GSG1L2: variants seen among roughly 807,000 people sequenced by gnomAD.
GSG1L2 encodes the protein germ cell-specific gene 1-like protein 2.
In GSG1L2, 15 loss-of-function variants were observed where a neutral mutation model predicts 9.0. The observed-to-expected ratio is 1.67, with a 90% CI of 1.12 to 2.57. The LOEUF is 2.57. Among genes scored for constraint, GSG1L2 ranks in the 30% most tolerant of loss-of-function variants. The pLI, the probability that GSG1L2 is intolerant of heterozygous loss-of-function variation, is 0.00. For missense variants in GSG1L2, 286 were observed against 150.3 expected (o/e 1.90, Z -4.72); for synonymous variants, 127 against 57.9 (o/e 2.19, Z -5.41).
At chr17:9,812,439 C>T (rs371490690) in intron 1 of GSG1L2, among the ~76,000 whole-genome samples, 1 of 152,224 alleles carries the variant, frequency 6.6e-6, no homozygotes. Context: ...GCCTCCCCAG[C>T]ACCACCCAGC....
intron 1 of GSG1L2, among the ~76,000 whole-genome samples, chr17:9,817,547 C>A (rs781369511): frequency 2.6e-5 from 4 of 151,900 alleles, no homozygotes; most frequent in Non-Finnish European, 4.4e-5. Flanking sequence ...GCCTCAGCCT[C>A]CTGAGTAGCT....
At chr17:9,817,781 AG>A (rs2066573519) in intron 1 of GSG1L2, among the ~76,000 whole-genome samples, 1 of 152,060 alleles carries the variant, frequency 6.6e-6, no homozygotes, top group African/African-American at 2.4e-5. Context: ...CTTGGGTGAC[AG>A]AGACCTTATG....
chr17:9,807,198 G>C (rs1376021077), intron 4 of GSG1L2, among the ~76,000 whole-genome samples: 1 of 152,040 alleles, frequency 6.6e-6, no homozygotes, highest in African/African-American at 2.4e-5. Context: ...CTCCCACACT[G>C]TATTTAAGAA....
chr17:9,807,237 G>C, intron 4 of GSG1L2, among the ~76,000 whole-genome samples: 1 of 152,176 alleles, frequency 6.6e-6, no homozygotes, highest in East Asian at 1.9e-4. Flanking sequence ...TCAATTTCTC[G>C]GGGACTTTAC....
At chr17:9,818,172 G>T (rs1214816908) in intron 1 of GSG1L2, among the ~76,000 whole-genome samples, 1 of 152,172 alleles carries the variant, frequency 6.6e-6, no homozygotes, top group Non-Finnish European at 1.5e-5. Flanking sequence ...TGGCTGTTCG[G>T]GAAGCATAGC....
intron 1 of GSG1L2, among the ~76,000 whole-genome samples, chr17:9,814,515 A>C (rs2066551925): frequency 6.6e-6 from 1 of 152,156 alleles, no homozygotes; most frequent in Non-Finnish European, 1.5e-5. Flanking sequence ...GAGAAGGTGG[A>C]GGCCAGCCAA....
intron 1 of GSG1L2, among the ~76,000 whole-genome samples, chr17:9,812,830 T>G (rs1010677294): frequency 2.0e-5 from 3 of 152,122 alleles, no homozygotes; most frequent in Admixed American, 6.5e-5. Context: ...CTATAACTCC[T>G]GGGCTCAAGC....
At chr17:9,816,797 G>A (rs553162136) in intron 1 of GSG1L2, among the ~76,000 whole-genome samples, 3 of 150,102 alleles carry the variant, frequency 2.0e-5, no homozygotes, top group African/African-American at 7.4e-5. Flanking sequence ...GTGCGTATCT[G>A]TGTATGTGTG....
At chr17:9,809,216 G>C (rs2066528837) in intron 2 of GSG1L2, 1 of 502,326 alleles carries the variant, frequency 2.0e-6, no homozygotes, top group Non-Finnish European at 3.6e-6. Context: ...GGTGGGGGCG[G>C]GGAAACTAAG....
rs1391112636 is a variant in GSG1L2, at chr17:9,820,283, C to T, written c.310+1479G>A. Reference sequence around the variant, plus strand: ...AAACAGAAGTACTATAGGCAGTCCTCATATGAGAACTTGGAAAGGAGATGG... The same window carrying T: ...AAACAGAAGTACTATAGGCAGTCCTTATATGAGAACTTGGAAAGGAGATGG... On this transcript the variant is annotated intron_variant, in intron 1 of 4. Transcript: ENST00000399363. This position sits in a 1 kb window ranked among gnomAD's most constrained non-coding sequence, Gnocchi z 4.9. Among the ~76,000 whole-genome samples the T allele has an allele frequency of 1.3e-5, 2 of 152,110 alleles. No individual in the cohort carries two copies.
intron 1 of GSG1L2, among the ~76,000 whole-genome samples, chr17:9,814,317 T>C (rs16958824): frequency 0.13 from 20,420 of 152,272 alleles, 1,464 homozygotes; most frequent in Middle Eastern, 0.18. Flanking sequence ...ACCAGGCTCA[T>C]ATGAATTGGT....
At chr17:9,818,234 C>T (rs1408949880) in intron 1 of GSG1L2, among the ~76,000 whole-genome samples, 1 of 152,188 alleles carries the variant, frequency 6.6e-6, no homozygotes, top group African/African-American at 2.4e-5. Flanking sequence ...CCAATCATAG[C>T]AGAGGGCAGA....
chr17:9,817,638 C>A (rs1195261312), intron 1 of GSG1L2, among the ~76,000 whole-genome samples: 1 of 151,898 alleles, frequency 6.6e-6, no homozygotes, highest in African/African-American at 2.4e-5. Context: ...TTGGCCAGGC[C>A]GGTCTTGAAC....
Position 9,820,752 on chromosome 17 carries a change from T to C in GSG1L2, c.310+1010A>G, listed in dbSNP as rs1306915593. ...ATGATGACTCACTGCAGCCTCAACC[T>C]CCCAGGCTCAAGTGATCCTCCCAGA... On this transcript the variant is annotated intron_variant, in intron 1 of 4. Coordinates refer to ENST00000399363, the MANE Select transcript of GSG1L2 (RefSeq NM_001310219.2). This position sits in a 1 kb window ranked among gnomAD's most constrained non-coding sequence, Gnocchi z 4.9. Among the ~76,000 whole-genome samples the C allele has an allele frequency of 6.6e-6, 1 of 150,762 alleles. No individual in the cohort carries two copies. The highest frequency in any genetic ancestry group is 2.0e-4 in the East Asian group (1 of 5,112).
chr17:9,808,555 G>A (rs1217424856), intron 3 of GSG1L2, among the ~76,000 whole-genome samples: 1 of 152,166 alleles, frequency 6.6e-6, no homozygotes, highest in Non-Finnish European at 1.5e-5. Flanking sequence ...GTGAAGTGAT[G>A]TCAGCTGTCA....
rs909916779 is a variant in GSG1L2, at chr17:9,814,898, A to G, written c.311-4280T>C. ...TTTGAGTTTAGCAGAACAGCATAGA[A>G]TCTAAAATCCACACATTTTGTGGAT... is the stretch of plus-strand genomic sequence containing the variant. On this transcript the variant is annotated intron_variant, in intron 1 of 4. Transcript: ENST00000399363. Among the ~76,000 whole-genome samples the G allele has an allele frequency of 2.0e-5, 3 of 152,198 alleles. No homozygotes were observed. In the East Asian group the frequency reaches 5.8e-4, roughly 29 times the overall value.
chr17:9,821,374 G>C (rs2066589000), intron 1 of GSG1L2, among the ~76,000 whole-genome samples: 1 of 151,962 alleles, frequency 6.6e-6, no homozygotes, highest in South Asian at 2.1e-4. Flanking sequence ...ATTCCCAAAG[G>C]ATTTTAAATA....
chr17:9,807,236 C>T (rs1429459021), intron 4 of GSG1L2, among the ~76,000 whole-genome samples: 4 of 152,152 alleles, frequency 2.6e-5, no homozygotes, highest in African/African-American at 7.2e-5. Flanking sequence ...CTCAATTTCT[C>T]GGGGACTTTA....
Position 9,811,203 on chromosome 17 carries a change from G to A in GSG1L2, c.311-585C>T, listed in dbSNP as rs768228466. Among the ~76,000 whole-genome samples the A allele has an allele frequency of 7.2e-5, 11 of 152,090 alleles. No individual in the cohort carries two copies. The South Asian group carries it at 1.0e-3, about 14-fold the overall frequency. On this transcript the variant is annotated intron_variant, in intron 1 of 4. Coordinates refer to ENST00000399363, the MANE Select transcript of GSG1L2 (RefSeq NM_001310219.2). ...TGTTGAAGGGAAATGATCAAAGTTC[G>A]CAATTTATTTTTAAATGAGTGAGAG... is the stretch of plus-strand genomic sequence containing the variant.
Sources: gnomAD v4.1 joint callset for allele counts (sites outside exome capture counted in the v4.1 genomes callset) on GRCh38, gnomAD v4.1.1 for gene constraint, Gnocchi (gnomAD v3.1) non-coding constraint, MANE v1.5 for transcripts, NCBI Gene and HGNC (gene_info 2026-07-23, HGNC 2026-07-21) for gene names.